SUN2: variants seen among roughly 807,000 people sequenced by gnomAD.
The protein encoded by SUN2 is SUN domain-containing protein 2.
Under a neutral mutation model 100.0 loss-of-function variants are expected in SUN2, and 60 were observed. The ratio of observed to expected loss-of-function variants is 0.60; its 90% CI spans 0.49 to 0.74. SUN2 has a LOEUF of 0.74. Ranked by LOEUF, SUN2 falls within the 30% of genes least tolerant of loss-of-function variation. SUN2 has a pLI of 0.00. For synonymous variants in SUN2, 367 were observed against 403.3 expected, an observed-to-expected ratio of 0.91 and a Z score of 1.08; for missense variants, 834 against 954.6, an observed-to-expected ratio of 0.87 and a Z score of 1.66.
At position 38,735,752 on chromosome 22, in the gene SUN2, T is replaced by C. The variant is rs530208392; in HGVS notation, c.*515A>G. 1 of 161,136 alleles carries C rather than the reference T, an allele frequency of 6.2e-6. No individual in the cohort carries two copies. The highest frequency in any genetic ancestry group is 6.1e-5 in the Admixed American group (1 of 16,360). 10.0% of individuals were successfully genotyped at this position (161,136 alleles called of 1,614,324 possible). On this transcript the variant is annotated 3_prime_UTR_variant, in exon 18 of 18. Coordinates refer to ENST00000689035, the MANE Select transcript of SUN2 (RefSeq NM_015374.3). ...CCCTAGGTGGAGGGCACTAACCTTG[T>C]AGGAGAGCTGGGCAGCTCTCCATCA...
At chr22:38,748,043 C>T (rs1247985375) in intron 7 of SUN2, among the ~76,000 whole-genome samples, 2 of 151,870 alleles carry the variant, frequency 1.3e-5, no homozygotes, top group East Asian at 3.9e-4. Context: ...TGGCCGGGCA[C>T]GGTGGCTCAT....
chr22:38,753,088 T>G (rs1413309877), intron 1 of SUN2, among the ~76,000 whole-genome samples: 9 of 152,110 alleles, frequency 5.9e-5, no homozygotes, highest in African/African-American at 2.2e-4. Flanking sequence ...CCACCTGCCT[T>G]CTCCCTAGAG....
In SUN2 at chr22:38,738,528, G is replaced by T. The variant is rs757674816; in HGVS notation, c.1947+59C>A. The T allele has an allele frequency of 1.4e-5, 22 of 1,578,416 alleles. No individual in the cohort carries two copies. Among genetic ancestry groups the T allele is most frequent in the Non-Finnish European group, 2.6e-6 (3 of 1,156,656 alleles). On this transcript the variant is annotated intron_variant, in intron 16 of 17. Coordinates refer to ENST00000689035, the MANE Select transcript of SUN2 (RefSeq NM_015374.3). The surrounding 1 kb of genome is among the most constrained non-coding windows in gnomAD (Gnocchi z 6.6). ...GGTGACCCTGACTTGATCCTCAGTA[G>T]AGAGGCCCACAGGATCCCCCTGCAG... is the stretch of plus-strand genomic sequence containing the variant.
rs764126381 is a variant in SUN2, at chr22:38,735,202, C to G, written c.*1065G>C. On this transcript the variant is annotated 3_prime_UTR_variant, in exon 18 of 18. Transcript: ENST00000689035. The stretch of plus-strand genomic sequence containing the variant: ...AACTTCTGCCAGCCTCTTCCCCCAG[C>G]CCCCACCAACTGCCCCACAGAGAAC... 4.4e-6 allele frequency: 2 copies of G among 454,212 alleles called. No homozygotes were observed. Among genetic ancestry groups the G allele is most frequent in the South Asian group, 3.1e-5 (2 of 64,340 alleles). 28.1% of individuals were successfully genotyped at this position (454,212 alleles called of 1,614,324 possible). A position where few individuals can be genotyped will look rare whatever the true frequency, so the allele number is the denominator to read the frequency against.
chr22:38,754,513 GC>G, intron 1 of SUN2: 1 of 739,946 alleles, frequency 1.4e-6, no homozygotes, highest in Non-Finnish European at 2.0e-6. Context: ...TCTACTTTTA[GC>G]TGGTGTTGGA....
chr22:38,742,400 C>T lies in SUN2; in HGVS notation c.969G>A (p.Leu323=). The part of the protein sequence containing the change: ...GAPGQGGGGG[L]SHEDTLALLE... Reference sequence around the variant, plus strand: ...GCAGCGCCAGGGTGTCCTCGTGGCTCAGGCCACCACCACCTCCCTGGCCAG... The same window carrying T: ...GCAGCGCCAGGGTGTCCTCGTGGCTTAGGCCACCACCACCTCCCTGGCCAG... The change falls in exon 9 of 18, where the codon CTG becomes CTA. Residue 323 remains leucine, a synonymous_variant. Transcript: ENST00000689035. 5.6e-6 allele frequency: 9 copies of T among 1,613,370 alleles called. No homozygotes were observed. The highest frequency in any genetic ancestry group is 1.3e-5 in the African/African-American group (1 of 75,062).
intron 5 of SUN2, 36 bp downstream of exon 5, chr22:38,750,189 A>G: frequency 6.3e-7 from 1 of 1,599,976 alleles, no homozygotes. Flanking sequence ...CACTATCACC[A>G]AGAATGGAAG....
intron 1 of SUN2, chr22:38,754,728 G>A: frequency 3.1e-6 from 4 of 1,288,670 alleles, no homozygotes; most frequent in Non-Finnish European, 4.0e-6. Context: ...GCAGAAACAA[G>A]GCAACATGTT....
At chr22:38,746,220 G>A (rs947096986) in intron 7 of SUN2, among the ~76,000 whole-genome samples, 1 of 152,176 alleles carries the variant, frequency 6.6e-6, no homozygotes, top group Admixed American at 6.5e-5. Context: ...ATTGGCCTGG[G>A]GTGGGGCCCC....
In SUN2 at chr22:38,735,683, C is replaced by G. The variant is rs946834811; in HGVS notation, c.*584G>C. The G allele has an allele frequency of 1.2e-5, 2 of 166,136 alleles. No individual in the cohort carries two copies. The highest frequency in any genetic ancestry group is 4.8e-5 in the African/African-American group (2 of 41,580). 10.3% of individuals were successfully genotyped at this position (166,136 alleles called of 1,614,324 possible). A position where few individuals can be genotyped will look rare whatever the true frequency, so the allele number is the denominator to read the frequency against. On this transcript the variant is annotated 3_prime_UTR_variant, in exon 18 of 18. Coordinates refer to ENST00000689035, the MANE Select transcript of SUN2 (RefSeq NM_015374.3). ...ACTGCTACCCTCCCCGGGACAAATA[C>G]ACACTTTTGTCGAAGGCCCTCAGGG...
At chr22:38,741,384 C>T (rs2092856381) in intron 10 of SUN2, 110 bp downstream of exon 10, 1 of 1,143,442 alleles carries the variant, frequency 8.7e-7, no homozygotes, top group Admixed American at 1.8e-5. Context: ...CACTCCCCTC[C>T]CCATGCAACA....
rs1457115271 is a variant in SUN2 at position 38,745,787 on chromosome 22, C to A, written c.710G>T (p.Gly237Val). 7 of 1,614,042 alleles carry A rather than the reference C, an allele frequency of 4.3e-6. No homozygotes were observed. Among genetic ancestry groups the A allele is most frequent in the Non-Finnish European group, 5.1e-6 (6 of 1,179,992 alleles). Residue 237 changes from glycine to valine, a missense_variant, in exon 8 of 18, where the codon GGG (glycine) becomes GTG (valine). Gly to Val is a moderately radical substitution (Grantham distance 109). This residue lies in a region of SUN2 where 559 missense variants were observed against 597.7 expected (regional missense o/e 0.94). Transcript: ENST00000689035. Reference protein sequence around the residue: ...TYGAWYFYPYGLQTFHPALVS... With the variant: ...TYGAWYFYPYVLQTFHPALVS... ...CAAAGCAGGGTGGAATGTCTGCAGC[C>A]CATAGGGGTAGAAATACCAAGCACC...
chr22:38,745,896 AG>A, intron 7 of SUN2, 85 bp from the exon 8 acceptor site: 1 of 1,542,542 alleles, frequency 6.5e-7, no homozygotes, highest in South Asian at 1.2e-5. Flanking sequence ...GATCCCTGCC[AG>A]TGCTTGTGGC....
chr22:38,749,106 T>G (rs1041754040), intron 6 of SUN2: 16 of 302,136 alleles, frequency 5.3e-5, no homozygotes, highest in African/African-American at 3.2e-4. Flanking sequence ...AGTAACTCCT[T>G]AAATAACAAC....
rs747158719 is a variant in SUN2 at position 38,740,108 on chromosome 22, G to T, written c.1356+159C>A. ...GGGCACTAACAAAAACAGGAAGAAC[G>T]CCTGTCAGTGAGAGCCCACATGTGT... On this transcript the variant is annotated intron_variant, in intron 12 of 17. Transcript: ENST00000689035. This position sits in a 1 kb window ranked among gnomAD's most constrained non-coding sequence, Gnocchi z 4.8. 1.3e-5 allele frequency among the ~76,000 whole-genome samples: 2 copies of T among 152,234 alleles called. No individual in the cohort carries two copies. The highest frequency in any genetic ancestry group is 2.9e-5 in the Non-Finnish European group (2 of 68,032).
chr22:38,755,637 C>A lies in SUN2; in HGVS notation c.-38+126G>T. The A allele has an allele frequency of 1.0e-6, 1 of 952,782 alleles. No individual in the cohort carries two copies. The highest frequency in any genetic ancestry group is 1.2e-6 in the Non-Finnish European group (1 of 800,072). 59.0% of individuals were successfully genotyped at this position (952,782 alleles called of 1,614,324 possible). Reference sequence around the variant, plus strand: ...GGACCCGGGTGGAGGCTGGATCCGGCCCAGCACGTCCCGGAGAGGAGGAAG... The same window carrying A: ...GGACCCGGGTGGAGGCTGGATCCGGACCAGCACGTCCCGGAGAGGAGGAAG... On this transcript the variant is annotated intron_variant, in intron 1 of 17. Coordinates refer to ENST00000689035, the MANE Select transcript of SUN2 (RefSeq NM_015374.3). The surrounding 1 kb of genome is among the most constrained non-coding windows in gnomAD (Gnocchi z 5.7).
chr22:38,744,279 A>C (rs927595772), intron 8 of SUN2, among the ~76,000 whole-genome samples: 21 of 151,288 alleles, frequency 1.4e-4, no homozygotes, highest in South Asian at 6.2e-4. Flanking sequence ...AAAAAAAAAA[A>C]AAAAAAAGTG....
chr22:38,744,113 G>A (rs1329159188), intron 8 of SUN2, among the ~76,000 whole-genome samples: 2 of 151,828 alleles, frequency 1.3e-5, no homozygotes, highest in Non-Finnish European at 2.9e-5. Flanking sequence ...GGTGGTGCGC[G>A]CCTGTAGTCC....
rs1395882280 is a variant in SUN2 at position 38,740,736 on chromosome 22, G to A, written c.1190+271C>T. 1 of 588,304 alleles carries A rather than the reference G, an allele frequency of 1.7e-6. No homozygotes were observed. Among genetic ancestry groups the A allele is most frequent in the Non-Finnish European group, 3.0e-6 (1 of 330,048 alleles). The allele number at this position is 588,304 out of a possible 1,614,324, so 36.4% of individuals were successfully genotyped here. A position where few individuals can be genotyped will look rare whatever the true frequency, so the allele number is the denominator to read the frequency against. On this transcript the variant is annotated intron_variant, in intron 11 of 17. Transcript: ENST00000689035. The surrounding 1 kb of genome is among the most constrained non-coding windows in gnomAD (Gnocchi z 4.8). ...GGGGCATGAGAAGGCAGTTATGTGA[G>A]GCTGTAAGAAAGGATGCTGTGTCTA... is the stretch of plus-strand genomic sequence containing the variant.
Sources: gnomAD v4.1 joint callset for allele counts (sites outside exome capture counted in the v4.1 genomes callset) on GRCh38, gnomAD v4.1.1 for gene constraint, gnomAD v4.1.1 regional missense constraint, Gnocchi (gnomAD v3.1) non-coding constraint, MANE v1.5 for transcripts, NCBI Gene and HGNC (gene_info 2026-07-23, HGNC 2026-07-21) for gene names.